GON4L: variants seen among roughly 807,000 people sequenced by gnomAD.
GON4L encodes gon-4 like, also known as GON-4-like protein.
In GON4L, 87 loss-of-function variants were observed where a neutral mutation model predicts 211.8. That is an observed-to-expected ratio of 0.41 (90% confidence interval 0.35 to 0.49). The LOEUF is 0.49. Ranked by LOEUF, GON4L falls within the 20% of genes least tolerant of loss-of-function variation. The pLI is 0.15. For missense variants in GON4L, 2,155 were observed against 2,659.5 expected, an observed-to-expected ratio of 0.81 and a Z score of 4.17; for synonymous variants, 875 against 962.6, an observed-to-expected ratio of 0.91 and a Z score of 1.68.
At chr1:155,826,765 CAT>C (rs915447745) in intron 3 of GON4L, 70 bp downstream of exon 3, 3 of 973,474 alleles carry the variant, frequency 3.1e-6, no homozygotes, top group Admixed American at 1.8e-5. Context: ...TATCTTAGGA[CAT>C]GTGCAGTTTT....
chr1:155,801,519 AATATG>A (rs1666660369), intron 11 of GON4L, among the ~76,000 whole-genome samples: 1 of 152,168 alleles, frequency 6.6e-6, no homozygotes, highest in Non-Finnish European at 1.5e-5. Flanking sequence ...AAAAAAAAGA[AATATG>A]ATAAGATTTA....
chr1:155,814,332 C>T lies in GON4L; in HGVS notation c.1279G>A (p.Glu427Lys), dbSNP rs767496770. ...ETDEESGILSEAEKVTTPAIR... is the reference protein window; with the variant it reads ...ETDEESGILSKAEKVTTPAIR... The stretch of plus-strand genomic sequence containing the variant: ...TCTTTTGTATGATGCCGATTTACCT[C>T]TGATAATATGCCACTCTCCTCATCT... Residue 427 changes from glutamate to lysine, a missense_variant and splice_region_variant, in exon 9 of 32, where the codon GAG becomes AAG. Transcript: ENST00000368331. The T allele has an allele frequency of 5.6e-6, 9 of 1,613,042 alleles. No individual in the cohort carries two copies. In the Admixed American group the frequency reaches 1.3e-4, roughly 24 times the overall value.
intron 19 of GON4L, among the ~76,000 whole-genome samples, chr1:155,770,402 C>T (rs1028391581): frequency 6.6e-6 from 1 of 152,134 alleles, no homozygotes; most frequent in Non-Finnish European, 1.5e-5. Context: ...TGGTGGAACA[C>T]GCCTGTAGTC....
At chr1:155,824,020 T>A (rs1468119785) in intron 3 of GON4L, among the ~76,000 whole-genome samples, 5 of 152,146 alleles carry the variant, frequency 3.3e-5, no homozygotes, top group African/African-American at 1.2e-4. Context: ...TAAGCTAGCA[T>A]TTCCACCCAA....
intron 11 of GON4L, 43 bp downstream of exon 11, chr1:155,804,906 G>A (rs759001561): frequency 1.4e-6 from 2 of 1,414,496 alleles, no homozygotes; most frequent in African/African-American, 2.8e-5. Context: ...TTTTACAACA[G>A]ATAATGGACA....
chr1:155,776,577 ATC>A (rs778894706), intron 15 of GON4L, 96 bp from the exon 16 acceptor site: 16 of 974,306 alleles, frequency 1.6e-5, no homozygotes, highest in Non-Finnish European at 2.4e-5. Context: ...TGGAGAAAGG[ATC>A]TCTCTCTGTC....
intron 10 of GON4L, among the ~76,000 whole-genome samples, chr1:155,812,402 C>G (rs924453409): frequency 6.6e-6 from 1 of 151,714 alleles, no homozygotes; most frequent in Non-Finnish European, 1.5e-5. Flanking sequence ...TTAAAGGAGA[C>G]TAAAGAACAA....
In GON4L at chr1:155,766,495, C is replaced by G. The variant is rs751364314; in HGVS notation, c.2978G>C (p.Trp993Ser). The G allele has an allele frequency of 3.7e-6, 6 of 1,614,124 alleles. No individual in the cohort carries two copies. The highest frequency in any genetic ancestry group is 5.1e-6 in the Non-Finnish European group (6 of 1,180,030). ...CAGGACTGATGAACGCTTCTGTCTCCAAGCCTTCCTGGGGAAACGGGTGGC... is the reference window on the plus strand; with the variant it reads ...CAGGACTGATGAACGCTTCTGTCTCGAAGCCTTCCTGGGGAAACGGGTGGC... ...PVATRFPRKA[W>S]RQKRSSVLKP... The change falls in exon 21 of 32, where the codon TGG (tryptophan) becomes TCG (serine). Residue 993 changes from tryptophan (W) to serine (S), a missense_variant. This residue lies in a region of GON4L where 615 missense variants were observed against 625.7 expected (regional missense o/e 0.98). Transcript: ENST00000368331.
intron 6 of GON4L, 80 bp from the exon 7 acceptor site, chr1:155,816,342 C>T (rs1668235751): frequency 1.4e-6 from 1 of 729,330 alleles, no homozygotes; most frequent in Non-Finnish European, 2.5e-6. Flanking sequence ...TGTACCATCA[C>T]TAACAGCCAT....
Position 155,767,483 on chromosome 1 carries a change from G to A in GON4L, c.2705C>T (p.Pro902Leu), listed in dbSNP as rs760939469. Residue 902 changes from proline (P) to leucine (L), a missense_variant, in exon 20 of 32, where the codon CCA becomes CTA. Physicochemically the swap from Pro to Leu is moderately conservative, Grantham distance 98. This residue lies in a region of GON4L where 551 missense variants were observed against 854.0 expected (regional missense o/e 0.65). Coordinates refer to ENST00000368331, the MANE Select transcript of GON4L (RefSeq NM_001282860.2). ...VLGKCCEEIQ[P>L]HQWKPPIERE... The stretch of plus-strand genomic sequence containing the variant: ...CTCTATAGGTGGCTTCCACTGATGT[G>A]GCTGGATCTCTTCACAGCATTTTCC... 36 of 1,611,946 alleles carry A rather than the reference G, an allele frequency of 2.2e-5. No individual in the cohort carries two copies. Among genetic ancestry groups the A allele is most frequent in the Non-Finnish European group, 3.1e-5 (36 of 1,178,376 alleles).
intron 2 of GON4L, among the ~76,000 whole-genome samples, chr1:155,842,101 C>T (rs528643176): frequency 2.0e-5 from 3 of 152,016 alleles, no homozygotes; most frequent in Non-Finnish European, 4.4e-5. Context: ...CCTCACTATA[C>T]CTTCCCCCCG....
intron 2 of GON4L, among the ~76,000 whole-genome samples, chr1:155,828,572 T>C (rs1669437211): frequency 3.3e-5 from 5 of 151,554 alleles, no homozygotes; most frequent in African/African-American, 1.2e-4. Flanking sequence ...TTTGGGAGGC[T>C]GAGATGGGTG....
intron 2 of GON4L, among the ~76,000 whole-genome samples, chr1:155,831,891 AAAAT>A (rs1264603111): frequency 2.0e-5 from 3 of 152,144 alleles, no homozygotes; most frequent in Non-Finnish European, 4.4e-5. Context: ...CTCTTTAAAA[AAAAT>A]AAATAAAGAA....
intron 2 of GON4L, among the ~76,000 whole-genome samples, chr1:155,837,093 T>C (rs1670382159): frequency 6.6e-6 from 1 of 152,176 alleles, no homozygotes; most frequent in Non-Finnish European, 1.5e-5. Flanking sequence ...GTTTCATTTT[T>C]TTCCTTACTC....
At chr1:155,746,410 CTAA>C (rs1376695103), downstream of GON4L, among the ~76,000 whole-genome samples, 1 of 65,324 alleles carries the variant, frequency 1.5e-5, no homozygotes, top group African/African-American at 6.8e-5. Context: ...CGTCCCACAG[CTAA>C]TGACTAAGCT....
rs1371976336 is a variant in GON4L at position 155,821,985 on chromosome 1, A to G, written c.888+301T>C. 2.0e-5 allele frequency among the ~76,000 whole-genome samples: 3 copies of G among 152,350 alleles called. No individual in the cohort carries two copies. In the East Asian group the frequency reaches 5.8e-4, roughly 29 times the overall value. ...ATCGACCCACAAGAGTAAACCCACT[A>G]TGAACATTATCAACATTGAATCTAC... On this transcript the variant is annotated intron_variant, in intron 4 of 31. Transcript: ENST00000368331.
chr1:155,818,912 C>T (rs1167702725), intron 6 of GON4L, among the ~76,000 whole-genome samples: 2 of 151,980 alleles, frequency 1.3e-5, no homozygotes, highest in Admixed American at 6.6e-5. Context: ...GCATGAGAAT[C>T]GCTTGAACCT....
At chr1:155,833,496 A>C (rs1281296618) in intron 2 of GON4L, among the ~76,000 whole-genome samples, 1 of 151,214 alleles carries the variant, frequency 6.6e-6, no homozygotes, top group Non-Finnish European at 1.5e-5. Flanking sequence ...AATACAAAAA[A>C]TTAGCCAGGC....
chr1:155,768,394 A>G (rs1369098788), intron 19 of GON4L, among the ~76,000 whole-genome samples: 2 of 150,908 alleles, frequency 1.3e-5, no homozygotes, highest in Admixed American at 6.6e-5. Context: ...GCAGATCACG[A>G]GGTCAGGAGA....
Sources: gnomAD v4.1 joint callset for allele counts (sites outside exome capture counted in the v4.1 genomes callset) on GRCh38, gnomAD v4.1.1 for gene constraint, gnomAD v4.1.1 regional missense constraint, MANE v1.5 for transcripts, NCBI Gene and HGNC (gene_info 2026-07-23, HGNC 2026-07-21) for gene names.